MIR2052HG: variants seen among roughly 807,000 people sequenced by gnomAD.
MIR2052HG encodes the protein MIR2052 host gene.
intron 1 of MIR2052HG, among the ~76,000 whole-genome samples, chr8:74,600,359 C>T (rs547666609): frequency 1.3e-5 from 2 of 150,588 alleles, no homozygotes; most frequent in South Asian, 2.1e-4. Context: ...CCGAGGTGGG[C>T]GGATCACTTG....
chr8:74,732,391 A>T (rs906464733), intron 4 of MIR2052HG, among the ~76,000 whole-genome samples: 2 of 152,144 alleles, frequency 1.3e-5, no homozygotes, highest in Non-Finnish European at 2.9e-5. Flanking sequence ...AACTATATTT[A>T]TCTAGGGTTG....
chr8:74,602,907 A>G (rs1586883902), intron 1 of MIR2052HG, among the ~76,000 whole-genome samples: 1 of 74,608 alleles, frequency 1.3e-5, no homozygotes, highest in African/African-American at 6.3e-5. Context: ...GCTCCAGTCC[A>G]TTTTTAAATT....
intron 2 of MIR2052HG, among the ~76,000 whole-genome samples, chr8:74,685,125 T>C (rs1429461723): frequency 6.6e-6 from 1 of 152,118 alleles, no homozygotes; most frequent in Non-Finnish European, 1.5e-5. Flanking sequence ...TAATATCTGA[T>C]ATTTGACATG....
chr8:74,615,535 C>T (rs1361083180), intron 2 of MIR2052HG, among the ~76,000 whole-genome samples: 5 of 152,126 alleles, frequency 3.3e-5, no homozygotes, highest in Non-Finnish European at 7.4e-5. Context: ...ATATAATTTA[C>T]ATTTTCCCTG....
chr8:74,731,413 T>C (rs1281754958), intron 4 of MIR2052HG, among the ~76,000 whole-genome samples: 1 of 152,114 alleles, frequency 6.6e-6, no homozygotes, highest in Non-Finnish European at 1.5e-5. Flanking sequence ...CTATGGAGCC[T>C]CAACTAGCAT....
At chr8:74,731,518 G>A (rs13262143) in intron 4 of MIR2052HG, among the ~76,000 whole-genome samples, 35,226 of 152,012 alleles carry the variant, frequency 0.23, 5,237 homozygotes, top group East Asian at 0.62. Context: ...AGTGAAGGGG[G>A]TGCAGAGTGG....
intron 2 of MIR2052HG, among the ~76,000 whole-genome samples, chr8:74,643,679 A>C (rs1808663091): frequency 6.6e-6 from 1 of 152,236 alleles, no homozygotes; most frequent in Non-Finnish European, 1.5e-5. Flanking sequence ...AAAAATTAAA[A>C]AATATTAGAA....
chr8:74,633,611 T>TA (rs1258114646), intron 2 of MIR2052HG, among the ~76,000 whole-genome samples: 2 of 152,238 alleles, frequency 1.3e-5, no homozygotes, highest in Non-Finnish European at 2.9e-5. Flanking sequence ...TTGTACTTGT[T>TA]ATGCGTTTCC....
chr8:74,673,910 T>TATATAC lies in MIR2052HG; in HGVS notation n.217-28468_217-28467insTATACA, dbSNP rs1485340799. Among the ~76,000 whole-genome samples, 647 of 133,216 alleles carry TATATAC rather than the reference T, an allele frequency of 4.9e-3. 17 individuals carry two copies. In the East Asian group the frequency reaches 0.07, roughly 14 times the overall value. 87.4% of individuals were successfully genotyped at this position (133,216 alleles called of 152,430 possible). A position where few individuals can be genotyped will look rare whatever the true frequency, so the allele number is the denominator to read the frequency against. On this transcript the variant is annotated intron_variant and non_coding_transcript_variant, in intron 2 of 6. Coordinates refer to ENST00000523442, the Ensembl canonical transcript of MIR2052HG. ...TTGTATATATATATATATATATATA[T>TATATAC]ACACACACAAAATATCTATCTATAT...
chr8:74,660,267 T>A (rs531035028), intron 2 of MIR2052HG, among the ~76,000 whole-genome samples: 1 of 152,350 alleles, frequency 6.6e-6, no homozygotes, highest in African/African-American at 2.4e-5. Context: ...CTTACTTTAT[T>A]ATTTATTAAC....
intron 2 of MIR2052HG, among the ~76,000 whole-genome samples, chr8:74,639,373 C>T (rs753002858): frequency 3.3e-5 from 5 of 152,180 alleles, no homozygotes; most frequent in Non-Finnish European, 7.4e-5. Flanking sequence ...CTTATATGAT[C>T]TTTGTAACAG....
chr8:74,698,044 G>A (rs1461487360), intron 2 of MIR2052HG, among the ~76,000 whole-genome samples: 3 of 152,000 alleles, frequency 2.0e-5, no homozygotes, highest in African/African-American at 4.8e-5. Flanking sequence ...AGCTCATGTA[G>A]CCAATGCAAA....
At position 74,721,469 on chromosome 8, in the gene MIR2052HG, C is replaced by T. The variant is rs1397514623; in HGVS notation, n.371+17787C>T. Among the ~76,000 whole-genome samples, 5 of 152,164 alleles carry T rather than the reference C, an allele frequency of 3.3e-5. No homozygotes were observed. In the East Asian group the frequency reaches 5.8e-4, roughly 18 times the overall value. ...TTGGTCAATGGTGCAGCTGCTTTTA[C>T]CTGCCAGTTGGGCTAGACTAGAAGG... On this transcript the variant is annotated intron_variant and non_coding_transcript_variant, in intron 4 of 6. Transcript: ENST00000523442.
At chr8:74,654,447 TC>T (rs963771742) in intron 2 of MIR2052HG, among the ~76,000 whole-genome samples, 3 of 152,168 alleles carry the variant, frequency 2.0e-5, no homozygotes, top group Admixed American at 2.0e-4. Context: ...CTCCCGGAAC[TC>T]CCCCGTGTTG....
At chr8:74,714,920 T>C (rs1419352215) in intron 4 of MIR2052HG, among the ~76,000 whole-genome samples, 1 of 152,056 alleles carries the variant, frequency 6.6e-6, no homozygotes, top group Non-Finnish European at 1.5e-5. Flanking sequence ...CCTCAAGTGA[T>C]CCACCCGCCT....
intron 4 of MIR2052HG, among the ~76,000 whole-genome samples, chr8:74,738,614 A>G (rs945100629): frequency 4.6e-5 from 7 of 152,214 alleles, no homozygotes; most frequent in African/African-American, 1.4e-4. Context: ...CTATGTTCTC[A>G]TAACAGAGTT....
chr8:74,701,351 G>C (rs1342095664), intron 2 of MIR2052HG, among the ~76,000 whole-genome samples: 1 of 152,062 alleles, frequency 6.6e-6, no homozygotes, highest in Admixed American at 6.6e-5. Flanking sequence ...GTAAGCATTT[G>C]GTTAGTTTTG....
At chr8:74,622,065 T>C (rs1808369331) in intron 2 of MIR2052HG, among the ~76,000 whole-genome samples, 1 of 151,866 alleles carries the variant, frequency 6.6e-6, no homozygotes, top group South Asian at 2.1e-4. Context: ...ATTATATCAA[T>C]CCAAAAAGCA....
chr8:74,637,819 T>A (rs1404434892), intron 2 of MIR2052HG, among the ~76,000 whole-genome samples: 1 of 152,156 alleles, frequency 6.6e-6, no homozygotes, highest in African/African-American at 2.4e-5. Flanking sequence ...TCGCTTACTG[T>A]ATTTCCCTTC....
Sources: allele counts gnomAD v4.1 joint callset (sites outside exome capture counted in the v4.1 genomes callset), GRCh38; gene constraint gnomAD v4.1.1; transcripts MANE v1.5; gene names NCBI Gene and HGNC (gene_info 2026-07-23, HGNC 2026-07-21).